The following FRY variants were observed in gnomAD, a reference collection of about 807,000 sequenced individuals.
The protein encoded by FRY is FRY microtubule binding protein, also known as protein furry homolog.
In FRY, 128 loss-of-function variants were observed where a neutral mutation model predicts 348.4. That is an observed-to-expected ratio of 0.37 (90% CI 0.32 to 0.43). FRY has a LOEUF of 0.43. Ranked by LOEUF, FRY falls within the 20% of genes least tolerant of loss-of-function variation. The pLI, the probability that FRY is intolerant of heterozygous loss-of-function variation, is 1.00. For missense variants in FRY, 2,736 were observed against 3,695.2 expected (o/e 0.74, Z 6.73); for synonymous variants, 1,370 against 1,374.7 (o/e 1.00, Z 0.08).
chr13:32,082,682 T>C (rs932586985), intron 2 of FRY, among the ~76,000 whole-genome samples: 2 of 152,214 alleles, frequency 1.3e-5, no homozygotes, highest in African/African-American at 4.8e-5. Context: ...CTGAATGTCT[T>C]TATTTCTCCC....
At chr13:32,203,631 G>C (rs1033660460) in intron 31 of FRY, among the ~76,000 whole-genome samples, 1 of 152,084 alleles carries the variant, frequency 6.6e-6, no homozygotes, top group Admixed American at 6.5e-5. Flanking sequence ...GCTGAGGTAG[G>C]AGAATCACTT....
chr13:32,129,481 A>G (rs926175857), intron 7 of FRY, among the ~76,000 whole-genome samples: 12 of 152,224 alleles, frequency 7.9e-5, no homozygotes, highest in African/African-American at 2.7e-4. Flanking sequence ...ATGAAATTTT[A>G]CTTATAAAGT....
chr13:32,042,027 C>A (rs948377282), intron 1 of FRY, among the ~76,000 whole-genome samples: 1 of 152,174 alleles, frequency 6.6e-6, no homozygotes, highest in Non-Finnish European at 1.5e-5. Context: ...ATCAAAAAAT[C>A]CATTTTATCT....
chr13:32,180,993 C>T (rs2520690), intron 23 of FRY, among the ~76,000 whole-genome samples: 61,394 of 151,692 alleles, frequency 0.4, 12,635 homozygotes, highest in Admixed American at 0.43. Context: ...CAGGTTCAAG[C>T]AATTCTCCTG....
chr13:32,130,357 A>G (rs1245447419), intron 7 of FRY, among the ~76,000 whole-genome samples: 1 of 152,134 alleles, frequency 6.6e-6, no homozygotes, highest in African/African-American at 2.4e-5. Context: ...ACCATTTTTA[A>G]TCAAGGCTTG....
At chr13:32,084,253 A>G (rs1460117846) in intron 2 of FRY, among the ~76,000 whole-genome samples, 1 of 151,974 alleles carries the variant, frequency 6.6e-6, no homozygotes, top group African/African-American at 2.4e-5. Flanking sequence ...CCTGTCACCA[A>G]TTTTTCCTCC....
At chr13:32,048,016 A>G (rs958399850) in intron 1 of FRY, among the ~76,000 whole-genome samples, 7 of 152,044 alleles carry the variant, frequency 4.6e-5, no homozygotes, top group Non-Finnish European at 7.4e-5. Flanking sequence ...CCCTTTCTAC[A>G]TACTTCCATT....
intron 31 of FRY, among the ~76,000 whole-genome samples, chr13:32,207,524 T>A (rs2138346458): frequency 6.6e-6 from 1 of 152,326 alleles, no homozygotes; most frequent in South Asian, 2.1e-4. Context: ...GGCTTGCACC[T>A]AGAAAATGCC....
intron 27 of FRY, 66 bp downstream of exon 27, chr13:32,186,486 C>T: frequency 2.0e-6 from 2 of 1,008,958 alleles, no homozygotes; most frequent in East Asian, 2.4e-5. Flanking sequence ...AACTAATAAC[C>T]ATGCCTTAAA....
intron 11 of FRY, among the ~76,000 whole-genome samples, chr13:32,140,510 T>G (rs768654561): frequency 2.6e-5 from 4 of 151,956 alleles, no homozygotes; most frequent in Non-Finnish European, 5.9e-5. Flanking sequence ...AAGTGATGAG[T>G]AAGACAGTAG....
chr13:32,278,480 A>G lies in FRY; in HGVS notation c.8401A>G (p.Lys2801Glu), dbSNP rs1238149900. The change falls in exon 58 of 61, where the codon AAG becomes GAG. Residue 2801 changes from lysine (K) to glutamate (E), a missense_variant. Coordinates refer to ENST00000542859, the MANE Select transcript of FRY (RefSeq NM_023037.3). ...TTTCTGACAGTGGCTTGCAAATTGT[A>G]AGGCAACATTTGCAGGGGGATCAAG... ...EATLSWLANC[K>E]ATFAGGSRDG... The G allele has an allele frequency of 6.3e-7, 1 of 1,586,424 alleles. No individual in the cohort carries two copies. The highest frequency in any genetic ancestry group is 8.7e-7 in the Non-Finnish European group (1 of 1,154,780).
rs1374073796 is a variant in FRY at position 32,295,234 on chromosome 13, G to A, written c.8816G>A (p.Ser2939Asn). ...TGGCCCAATGACATCTTTGGAAGCA[G>A]TTCTGATGATGAGGTCCAGACACTA... ...SLWPNDIFGS[S>N]SDDEVQTLLN... Residue 2939 changes from serine to asparagine, a missense_variant, in exon 61 of 61, where the codon AGT (serine) becomes AAT (asparagine). Coordinates refer to ENST00000542859, the MANE Select transcript of FRY (RefSeq NM_023037.3). 6.2e-7 allele frequency: 1 copy of A among 1,613,804 alleles called. No homozygotes were observed. The highest frequency in any genetic ancestry group is 1.3e-5 in the African/African-American group (1 of 74,920).
rs58000380 is a variant in FRY, at chr13:32,130,452, T to TTGTGTGTGTGTGTGTGTGTGTG, written c.717-1204_717-1183dup. Among the ~76,000 whole-genome samples, 323 of 141,978 alleles carry TTGTGTGTGTGTGTGTGTGTGTG rather than the reference T, an allele frequency of 2.3e-3. 2 individuals are homozygous for TTGTGTGTGTGTGTGTGTGTGTG. The highest frequency in any genetic ancestry group is 0.011 in the Middle Eastern group (3 of 274). 93.1% of individuals were successfully genotyped at this position (141,978 alleles called of 152,430 possible). A position where few individuals can be genotyped will look rare whatever the true frequency, so the allele number is the denominator to read the frequency against. ...TTAGACTGTTTTCTTTGGAAAGTGT[T>TTGTGTGTGTGTGTGTGTGTGTG]TGTGTGTGTGTGTGTGTGTGTGTGT... On this transcript the variant is annotated intron_variant, in intron 7 of 60. Coordinates refer to ENST00000542859, the MANE Select transcript of FRY (RefSeq NM_023037.3).
intron 42 of FRY, among the ~76,000 whole-genome samples, chr13:32,235,517 A>G (rs1886178940): frequency 1.3e-5 from 2 of 152,202 alleles, no homozygotes; most frequent in Admixed American, 1.3e-4. Flanking sequence ...CGAGCTACTC[A>G]GGAGGCTGAG....
At chr13:32,249,217 T>C (rs778617920) in intron 48 of FRY, among the ~76,000 whole-genome samples, 2 of 152,208 alleles carry the variant, frequency 1.3e-5, no homozygotes, top group Non-Finnish European at 2.9e-5. Flanking sequence ...TTTTTTCAAG[T>C]TTAAACAATC....
chr13:32,186,213 T>A (rs185660812), intron 26 of FRY, 47 bp from the exon 27 acceptor site: 1 of 1,334,938 alleles, frequency 7.5e-7, no homozygotes. Flanking sequence ...AATAGCGATA[T>A]ACAGTATGTC....
chr13:32,247,719 A>C (rs1364961874), intron 48 of FRY, among the ~76,000 whole-genome samples: 1 of 152,232 alleles, frequency 6.6e-6, no homozygotes, highest in Non-Finnish European at 1.5e-5. Context: ...AACTAGCCTC[A>C]GTTATGTAAA....
At chr13:32,275,115 A>C (rs1240014003) in intron 56 of FRY, 124 bp downstream of exon 56, 2 of 844,448 alleles carry the variant, frequency 2.4e-6, no homozygotes, top group South Asian at 2.8e-5. Context: ...GCGGTGGCTC[A>C]AGCCTGTAAT....
chr13:32,130,686 A>C (rs1879302555), intron 7 of FRY, among the ~76,000 whole-genome samples: 2 of 152,192 alleles, frequency 1.3e-5, no homozygotes, highest in Non-Finnish European at 2.9e-5. Context: ...AAATACTTTG[A>C]GGACAGGGAC....
Sources: gnomAD v4.1 joint callset for allele counts (sites outside exome capture counted in the v4.1 genomes callset) on GRCh38, gnomAD v4.1.1 for gene constraint, MANE v1.5 for transcripts, NCBI Gene and HGNC (gene_info 2026-07-23, HGNC 2026-07-21) for gene names.